DNAH3: variants seen among roughly 807,000 people sequenced by gnomAD.
DNAH3 encodes the protein axonemal beta dynein heavy chain 3.
Under a neutral mutation model 432.5 loss-of-function variants are expected in DNAH3, and 332 were observed. That is an observed-to-expected ratio of 0.77 (90% CI 0.70 to 0.84). The LOEUF is 0.84. Among genes scored for constraint, DNAH3 ranks in the 40% least tolerant of loss-of-function variants. The pLI, the probability that DNAH3 is intolerant of heterozygous loss-of-function variation, is 0.00. For missense variants in DNAH3, 4,861 were observed against 5,114.0 expected, an observed-to-expected ratio of 0.95 and a Z score of 1.51; for synonymous variants, 1,956 against 1,900.2, an observed-to-expected ratio of 1.03 and a Z score of -0.76.
intron 14 of DNAH3, among the ~76,000 whole-genome samples, chr16:21,109,674 A>C (rs2092025924): frequency 6.6e-6 from 1 of 150,820 alleles, no homozygotes. Context: ...ATCATAACTC[A>C]CTGCAGCCTT....
At chr16:20,946,095 C>T (rs1024792770) in intron 57 of DNAH3, among the ~76,000 whole-genome samples, 49 of 152,290 alleles carry the variant, frequency 3.2e-4, no homozygotes, top group African/African-American at 1.0e-3. Context: ...CAGGCCATGA[C>T]GGGAAGTGGG....
In DNAH3 at chr16:21,058,436, C is replaced by T. The variant is rs151029303; in HGVS notation, c.3814-240G>A. Among the ~76,000 whole-genome samples, 17 of 152,190 alleles carry T rather than the reference C, an allele frequency of 1.1e-4. No individual in the cohort carries two copies. The East Asian group carries it at 2.3e-3, about 21-fold the overall frequency. ...TCAACTTTGCATTTTTTCCATGCTC[C>T]CATTTATCAAATTTTTCCATAGTTA... On this transcript the variant is annotated intron_variant, in intron 26 of 61. Transcript: ENST00000261383.
rs567275921 is a variant in DNAH3 at position 21,071,568 on chromosome 16, T to A, written c.3085-742A>T. 2.6e-5 allele frequency among the ~76,000 whole-genome samples: 4 copies of A among 152,216 alleles called. No individual in the cohort carries two copies. In the South Asian group the frequency reaches 8.3e-4, roughly 32 times the overall value. Reference sequence around the variant, plus strand: ...TCTATGTCTTGCAGGGAATAGGACTTCTACTTTCTTCCTTGAAAATGTTAT... The same window carrying A: ...TCTATGTCTTGCAGGGAATAGGACTACTACTTTCTTCCTTGAAAATGTTAT... On this transcript the variant is annotated intron_variant, in intron 21 of 61. Coordinates refer to ENST00000261383, the Ensembl canonical transcript of DNAH3.
At chr16:21,106,817 G>A (rs376949659) in intron 14 of DNAH3, 143 bp from the exon 15 acceptor site, 1 of 618,860 alleles carries the variant, frequency 1.6e-6, no homozygotes, top group Non-Finnish European at 2.5e-6. Context: ...TTTTTTCCCT[G>A]CCTGCAAATC....
intron 57 of DNAH3, among the ~76,000 whole-genome samples, chr16:20,946,988 C>A (rs1219858342): frequency 6.6e-6 from 1 of 151,800 alleles, no homozygotes; most frequent in Admixed American, 6.6e-5. Context: ...TCACACCCGG[C>A]TAATTTTTGT....
intron 44 of DNAH3, among the ~76,000 whole-genome samples, chr16:20,994,469 GTTTT>G (rs1567605543): frequency 6.6e-6 from 1 of 152,038 alleles, no homozygotes; most frequent in African/African-American, 2.4e-5. Flanking sequence ...AAAATAAAAA[GTTTT>G]TATTGTGATA....
At chr16:21,100,799 T>C (rs1375907378) in intron 16 of DNAH3, among the ~76,000 whole-genome samples, 1 of 152,228 alleles carries the variant, frequency 6.6e-6, no homozygotes, top group Non-Finnish European at 1.5e-5. Context: ...AAGTGCCTTT[T>C]CACATCATTA....
chr16:20,975,505 T>C (rs2152648424), intron 50 of DNAH3, 90 bp from the exon 51 acceptor site: 1 of 1,282,780 alleles, frequency 7.8e-7, no homozygotes, highest in Non-Finnish European at 1.1e-6. Flanking sequence ...ACCTATGACA[T>C]AAGCAGAAAA....
chr16:21,135,941 A>G (rs1436495754), intron 6 of DNAH3, among the ~76,000 whole-genome samples: 1 of 147,552 alleles, frequency 6.8e-6, no homozygotes, highest in Non-Finnish European at 1.5e-5. Context: ...GTTCAGATCT[A>G]CTGAATCGCA....
At chr16:21,076,263 A>G (rs2090971937) in intron 20 of DNAH3, among the ~76,000 whole-genome samples, 1 of 152,188 alleles carries the variant, frequency 6.6e-6, no homozygotes, top group South Asian at 2.1e-4. Context: ...AGAGATTAGG[A>G]CACAGACACA....
chr16:20,997,006 C>T lies in DNAH3; in HGVS notation c.6601+277G>A, dbSNP rs186733422. 86 of 342,084 alleles carry T rather than the reference C, an allele frequency of 2.5e-4. No homozygotes were observed. The Middle Eastern group carries it at 7.0e-3, about 28-fold the overall frequency. 21.2% of individuals were successfully genotyped at this position (342,084 alleles called of 1,614,324 possible). On this transcript the variant is annotated intron_variant, in intron 44 of 61. Coordinates refer to ENST00000261383, the Ensembl canonical transcript of DNAH3. ...AGGCTTCTGGATGGAGCCTCCCTCC[C>T]GGAACACATGCTGGCCACACTGAAC...
exon 13 of DNAH3, chr16:21,112,052 C>A (rs867409985): frequency 6.2e-7 from 1 of 1,613,562 alleles, no homozygotes; most frequent in Admixed American, 1.7e-5. Context: ...TTTTGCTCTG[C>A]CGTGTTATCC....
chr16:21,030,963 A>G, intron 37 of DNAH3, 82 bp downstream of exon 37: 3 of 1,387,270 alleles, frequency 2.2e-6, no homozygotes, highest in Admixed American at 1.8e-5. Flanking sequence ...GTATGTCTCT[A>G]TATAGTTTTG....
chr16:21,060,526 CT>C (rs375746116), intron 25 of DNAH3, among the ~76,000 whole-genome samples, 170 bp from the exon 26 acceptor site: 30,038 of 93,138 alleles, frequency 0.32, 3,251 homozygotes, highest in East Asian at 0.49. Flanking sequence ...TTTTTTTTTT[CT>C]TTTTTTTTTT....
At chr16:21,069,674 A>G (rs1011234040) in intron 22 of DNAH3, 80 bp from the exon 23 acceptor site, 91 of 1,206,962 alleles carry the variant, frequency 7.5e-5, no homozygotes, top group Non-Finnish European at 9.6e-5. Context: ...AAATGGATGG[A>G]GCCGTACATT....
chr16:20,970,715 A>G (rs1044721804), intron 51 of DNAH3, among the ~76,000 whole-genome samples: 1 of 152,138 alleles, frequency 6.6e-6, no homozygotes, highest in East Asian at 1.9e-4. Flanking sequence ...GGTATCATTG[A>G]TCATCCTCAT....
intron 44 of DNAH3, among the ~76,000 whole-genome samples, chr16:20,988,644 T>C (rs920615746): frequency 5.3e-5 from 8 of 152,202 alleles, no homozygotes; most frequent in African/African-American, 1.7e-4. Context: ...TACATGATCA[T>C]TGTAAAAGAG....
intron 1 of DNAH3, among the ~76,000 whole-genome samples, chr16:21,146,495 G>A (rs938298417): frequency 6.6e-6 from 1 of 152,206 alleles, no homozygotes; most frequent in Non-Finnish European, 1.5e-5. Context: ...CGCGGAGGTT[G>A]CGGTGAGCTG....
intron 52 of DNAH3, 75 bp from the exon 53 acceptor site, chr16:20,965,500 C>CAGAAT: frequency 1.5e-6 from 2 of 1,291,288 alleles, no homozygotes; most frequent in Non-Finnish European, 2.1e-6. Flanking sequence ...GTGGTTACTG[C>CAGAAT]TGGTATTTGA....
Sources: gnomAD v4.1 joint callset for allele counts (sites outside exome capture counted in the v4.1 genomes callset) on GRCh38, gnomAD v4.1.1 for gene constraint, MANE v1.5 for transcripts, NCBI Gene and HGNC (gene_info 2026-07-23, HGNC 2026-07-21) for gene names.